The following GNB1 variants were observed in gnomAD, a reference collection of about 807,000 sequenced individuals.
GNB1 encodes the protein G protein subunit beta 1.
A neutral mutation model predicts 42.9 loss-of-function variants in GNB1; 2 were observed. The ratio of observed to expected loss-of-function variants is 0.05; its 90% CI spans 0.02 to 0.15. GNB1 has a LOEUF of 0.15. Ranked by LOEUF, GNB1 falls within the 10% of genes least tolerant of loss-of-function variation. The probability of loss-of-function intolerance (pLI) is 1.00; values close to 1 mark genes in which losing one functional copy is unlikely to be tolerated. For missense variants in GNB1, 193 were observed against 462.2 expected, an observed-to-expected ratio of 0.42 and a Z score of 5.34; for synonymous variants, 183 against 174.7, an observed-to-expected ratio of 1.05 and a Z score of -0.38.
intron 1 of GNB1, among the ~76,000 whole-genome samples, chr1:1,843,712 C>T (rs1446521324): frequency 1.3e-5 from 2 of 152,092 alleles, no homozygotes; most frequent in African/African-American, 4.8e-5. Flanking sequence ...GCTCATAGAA[C>T]CCCACACTAA....
intron 1 of GNB1, among the ~76,000 whole-genome samples, chr1:1,880,110 T>C (rs1457447959): frequency 4.0e-5 from 6 of 151,828 alleles, no homozygotes; most frequent in African/African-American, 1.5e-4. Context: ...TTTCAAATTT[T>C]TTTGTAGAGA....
At chr1:1,846,455 T>C (rs1647673027) in intron 1 of GNB1, among the ~76,000 whole-genome samples, 1 of 152,092 alleles carries the variant, frequency 6.6e-6, no homozygotes, top group African/African-American at 2.4e-5. Context: ...TAATCCCAGC[T>C]ACTCGGGAGG....
intron 1 of GNB1, among the ~76,000 whole-genome samples, chr1:1,870,732 C>T (rs940398772): frequency 2.6e-5 from 4 of 152,160 alleles, no homozygotes; most frequent in South Asian, 2.1e-4. Flanking sequence ...GTCAGGAGTT[C>T]AAGACCAGCC....
rs913695219 is a variant in GNB1, at chr1:1,860,825, T to A, written c.-95-21587A>T. Among the ~76,000 whole-genome samples, 3 of 151,916 alleles carry A rather than the reference T, an allele frequency of 2.0e-5. No homozygotes were observed. The East Asian group carries it at 5.8e-4, about 29-fold the overall frequency. The stretch of plus-strand genomic sequence containing the variant: ...TGCCCCTCCACTTTGCAGTAAGCTG[T>A]AACACACTACACGCTCATCAAAAAT... On this transcript the variant is annotated intron_variant, in intron 1 of 11. Coordinates refer to ENST00000378609, the MANE Select transcript of GNB1 (RefSeq NM_002074.5).
chr1:1,843,364 T>A (rs1647430496), intron 1 of GNB1, among the ~76,000 whole-genome samples: 1 of 152,016 alleles, frequency 6.6e-6, no homozygotes, highest in South Asian at 2.1e-4. Context: ...GGACCACAGG[T>A]GTGTGCCACC....
chr1:1,798,695 G>C (rs959740189), intron 7 of GNB1, among the ~76,000 whole-genome samples: 1 of 152,230 alleles, frequency 6.6e-6, no homozygotes, highest in Non-Finnish European at 1.5e-5. Flanking sequence ...GACTGGATCA[G>C]AGGGCTGGAA....
chr1:1,823,265 A>AT (rs1646957028), intron 3 of GNB1, among the ~76,000 whole-genome samples: 1 of 151,512 alleles, frequency 6.6e-6, no homozygotes, highest in African/African-American at 2.4e-5. Flanking sequence ...AAAAAAAAAA[A>AT]AATCTGATTT....
chr1:1,878,090 C>T (rs970222355), intron 1 of GNB1, among the ~76,000 whole-genome samples: 5 of 152,216 alleles, frequency 3.3e-5, no homozygotes, highest in African/African-American at 9.6e-5. Context: ...TCTAATCTCC[C>T]TGTAGATCCA....
chr1:1,837,547 C>T (rs993556057), intron 2 of GNB1, among the ~76,000 whole-genome samples: 2 of 148,138 alleles, frequency 1.4e-5, no homozygotes, highest in African/African-American at 2.5e-5. Flanking sequence ...AGCCACCATG[C>T]CTGGCCTTTT....
intron 1 of GNB1, among the ~76,000 whole-genome samples, chr1:1,859,421 T>A (rs1208405253): frequency 6.6e-6 from 1 of 151,390 alleles, no homozygotes; most frequent in Non-Finnish European, 1.5e-5. Flanking sequence ...TGGTGGCTCA[T>A]GTGAGCCTGT....
intron 2 of GNB1, among the ~76,000 whole-genome samples, chr1:1,834,635 C>T (rs1647120233): frequency 6.6e-6 from 1 of 150,706 alleles, no homozygotes; most frequent in African/African-American, 2.4e-5. Flanking sequence ...AATCATGCAG[C>T]GCACACAACA....
chr1:1,875,871 T>C (rs937255552), intron 1 of GNB1, among the ~76,000 whole-genome samples: 1 of 151,932 alleles, frequency 6.6e-6, no homozygotes, highest in Non-Finnish European at 1.5e-5. Flanking sequence ...ACCTGGAACC[T>C]GGGAATGTGA....
chr1:1,876,514 A>AGAGAGAGAGAGC (rs1491127351), intron 1 of GNB1, among the ~76,000 whole-genome samples: 6 of 149,866 alleles, frequency 4.0e-5, no homozygotes, highest in African/African-American at 1.5e-4. Flanking sequence ...AGAGAGAGAG[A>AGAGAGAGAGAGC]GCGAGCGTGC....
chr1:1,807,994 C>T (rs544286078), intron 5 of GNB1, among the ~76,000 whole-genome samples: 13 of 151,912 alleles, frequency 8.6e-5, no homozygotes, highest in Admixed American at 3.9e-4. Flanking sequence ...CAGGCGGGAG[C>T]CACCACGCCC....
rs139184852 is a variant in GNB1 at position 1,786,297 on chromosome 1, T to C, written c.*766A>G. On this transcript the variant is annotated 3_prime_UTR_variant, in exon 12 of 12. Transcript: ENST00000378609. ...AACTCAACTGAGAAGATAGACAGGATGGGTCAGGAGGAACATGGTGCTGGA... is the reference window on the plus strand; with the variant it reads ...AACTCAACTGAGAAGATAGACAGGACGGGTCAGGAGGAACATGGTGCTGGA... 2 of 377,126 alleles carry C rather than the reference T, an allele frequency of 5.3e-6. No homozygotes were observed. The highest frequency in any genetic ancestry group is 7.5e-5 in the East Asian group (2 of 26,650). 23.4% of individuals were successfully genotyped at this position (377,126 alleles called of 1,614,324 possible). A position where few individuals can be genotyped will look rare whatever the true frequency, so the allele number is the denominator to read the frequency against.
intron 1 of GNB1, among the ~76,000 whole-genome samples, chr1:1,885,542 C>T (rs1650099101): frequency 6.8e-6 from 1 of 148,112 alleles, no homozygotes; most frequent in Admixed American, 7.0e-5. Context: ...GGAAATACTT[C>T]CACTTAATCT....
chr1:1,807,490 A>AAAAC (rs1557892259), intron 5 of GNB1, among the ~76,000 whole-genome samples: 51 of 146,310 alleles, frequency 3.5e-4, no homozygotes, highest in African/African-American at 1.1e-3. Flanking sequence ...AAAAAAAAAA[A>AAAAC]AAACAAACAG....
At chr1:1,848,357 C>CAAAAAAAAAAAAA (rs56979938) in intron 1 of GNB1, among the ~76,000 whole-genome samples, 2 of 94,366 alleles carry the variant, frequency 2.1e-5, no homozygotes, top group African/African-American at 9.4e-5. Context: ...CCAGCCCAGG[C>CAAAAAAAAAAAAA]AAAAAAAAAA....
At chr1:1,889,958 C>T (rs1341843420) in intron 1 of GNB1, among the ~76,000 whole-genome samples, 1 of 152,092 alleles carries the variant, frequency 6.6e-6, no homozygotes, top group Non-Finnish European at 1.5e-5. Context: ...CTGTCCTCTC[C>T]CCCACCTTCG....
Sources: gnomAD v4.1 joint callset for allele counts (sites outside exome capture counted in the v4.1 genomes callset) on GRCh38, gnomAD v4.1.1 for gene constraint, MANE v1.5 for transcripts, NCBI Gene and HGNC (gene_info 2026-07-23, HGNC 2026-07-21) for gene names.